The following SH3GLB1 variants were observed in gnomAD, a reference collection of about 807,000 sequenced individuals.
SH3GLB1 encodes the protein SH3 domain containing GRB2 like, endophilin B1.
In SH3GLB1, 17 loss-of-function variants were observed where a neutral mutation model predicts 42.0. That is an observed-to-expected ratio of 0.40 (90% CI 0.28 to 0.61). SH3GLB1 has a LOEUF of 0.61. SH3GLB1 is among the 20% of genes least tolerant of loss of function. The pLI is 0.36. For synonymous variants in SH3GLB1, 132 were observed against 146.6 expected (o/e 0.90, Z 0.72); for missense variants, 355 against 426.3 (o/e 0.83, Z 1.47).
intron 2 of SH3GLB1, among the ~76,000 whole-genome samples, chr1:86,718,363 T>A (rs1654675237): frequency 1.3e-5 from 2 of 152,150 alleles, no homozygotes; most frequent in South Asian, 4.1e-4. Context: ...AGTTCTGAAA[T>A]TTAACTAGTA....
intron 1 of SH3GLB1, among the ~76,000 whole-genome samples, chr1:86,706,351 A>T (rs947838712): frequency 6.6e-6 from 1 of 152,222 alleles, no homozygotes; most frequent in African/African-American, 2.4e-5. Flanking sequence ...CATATCAACA[A>T]GCAAGTAACA....
Position 86,734,630 on chromosome 1 carries a change from G to A in SH3GLB1, c.599G>A (p.Ser200Asn), listed in dbSNP as rs1290921745. Reference sequence around the variant, plus strand: ...GAACAGGAATTAAGAATAACTCAAAGTGAATTTGATCGTCAAGCAGAGATT... The same window carrying A: ...GAACAGGAATTAAGAATAACTCAAAATGAATTTGATCGTCAAGCAGAGATT... ...SSEQELRITQ[S>N]EFDRQAEITR... The change falls in exon 6 of 9, where the codon AGT (serine) becomes AAT (asparagine). Residue 200 changes from serine (S) to asparagine (N), a missense_variant. Coordinates refer to ENST00000370558, the MANE Select transcript of SH3GLB1 (RefSeq NM_016009.5). 1 of 1,612,988 alleles carries A rather than the reference G, an allele frequency of 6.2e-7. No homozygotes were observed. Among genetic ancestry groups the A allele is most frequent in the Non-Finnish European group, 8.5e-7 (1 of 1,179,326 alleles).
intron 5 of SH3GLB1, among the ~76,000 whole-genome samples, chr1:86,731,433 T>G (rs1655503371): frequency 1.3e-5 from 2 of 152,188 alleles, no homozygotes; most frequent in African/African-American, 2.4e-5. Context: ...ATTCTTACCT[T>G]ATGCTCTTAT....
chr1:86,725,065 A>G (rs957737578), intron 5 of SH3GLB1, among the ~76,000 whole-genome samples: 4 of 150,264 alleles, frequency 2.7e-5, no homozygotes, highest in East Asian at 3.9e-4. Flanking sequence ...GGTAGCTCCT[A>G]ATGTGTCATT....
chr1:86,729,834 G>A (rs759320691), intron 5 of SH3GLB1, among the ~76,000 whole-genome samples: 1 of 151,870 alleles, frequency 6.6e-6, no homozygotes, highest in Non-Finnish European at 1.5e-5. Context: ...GAAAGGTTAG[G>A]TGTTCTCAAT....
At chr1:86,710,267 T>TC (rs1491492062) in intron 1 of SH3GLB1, among the ~76,000 whole-genome samples, 4 of 68,660 alleles carry the variant, frequency 5.8e-5, no homozygotes, top group African/African-American at 3.6e-4. Context: ...CTTGAAAGAA[T>TC]TTTTTTTTTT....
chr1:86,722,779 A>G (rs1654939845), intron 4 of SH3GLB1, 106 bp downstream of exon 4: 1 of 902,346 alleles, frequency 1.1e-6, no homozygotes, highest in Non-Finnish European at 1.6e-6. Context: ...GTGGATTACA[A>G]AATTAAATAA....
intron 1 of SH3GLB1, among the ~76,000 whole-genome samples, chr1:86,711,735 G>C (rs1654222411): frequency 6.6e-6 from 1 of 151,970 alleles, no homozygotes; most frequent in Non-Finnish European, 1.5e-5. Context: ...CTAGGAAAGG[G>C]ATCTTTTTTT....
At position 86,735,123 on chromosome 1, in the gene SH3GLB1, G is replaced by A; in HGVS notation, c.705G>A (p.Met235Ile). The A allele has an allele frequency of 6.2e-7, 1 of 1,612,996 alleles. No homozygotes were observed. Among genetic ancestry groups the A allele is most frequent in the South Asian group, 1.1e-5 (1 of 91,012 alleles). ...RCLNDFVEAQ[M>I]TYYAQCYQYM... Reference sequence around the variant, plus strand: ...TGAATGACTTTGTAGAAGCCCAGATGACTTACTATGCACAGTGTTACCAGT... The same window carrying A: ...TGAATGACTTTGTAGAAGCCCAGATAACTTACTATGCACAGTGTTACCAGT... Residue 235 changes from methionine to isoleucine, a missense_variant, in exon 7 of 9, where the codon ATG becomes ATA. By Grantham distance (10) the Met-to-Ile change is conservative (BLOSUM62 1). Coordinates refer to ENST00000370558, the MANE Select transcript of SH3GLB1 (RefSeq NM_016009.5).
At chr1:86,723,655 T>C (rs1436650656) in intron 4 of SH3GLB1, among the ~76,000 whole-genome samples, 1 of 152,184 alleles carries the variant, frequency 6.6e-6, no homozygotes, top group Non-Finnish European at 1.5e-5. Context: ...CCTGAAGAAT[T>C]CTAAGATACT....
chr1:86,730,338 T>C, intron 5 of SH3GLB1: 2 of 985,396 alleles, frequency 2.0e-6, no homozygotes, highest in Non-Finnish European at 2.4e-6. Context: ...TGATAAATCT[T>C]GGATACCTGT....
At chr1:86,726,519 AG>A (rs1646532938) in intron 5 of SH3GLB1, among the ~76,000 whole-genome samples, 1 of 107,814 alleles carries the variant, frequency 9.3e-6, no homozygotes, top group Admixed American at 9.4e-5. Context: ...TTATGTTTAA[AG>A]TAAAAGATGA....
Position 86,704,762 on chromosome 1 carries a change from T to C in SH3GLB1, c.-138T>C. On this transcript the variant is annotated 5_prime_UTR_variant, in exon 1 of 9. Coordinates refer to ENST00000370558, the MANE Select transcript of SH3GLB1 (RefSeq NM_016009.5). ...CCTCCCCGTTCACGGAAACGACAGC[T>C]GCGGCTGCGGGGCTGGCGCCGCCTC... is the stretch of plus-strand genomic sequence containing the variant. 1 of 507,488 alleles carries C rather than the reference T, an allele frequency of 2.0e-6. No homozygotes were observed. The highest frequency in any genetic ancestry group is 4.4e-5 in the Admixed American group (1 of 22,600). 31.4% of individuals were successfully genotyped at this position (507,488 alleles called of 1,614,324 possible). A position where few individuals can be genotyped will look rare whatever the true frequency, so the allele number is the denominator to read the frequency against.
At chr1:86,731,426 C>G (rs1208383947) in intron 5 of SH3GLB1, among the ~76,000 whole-genome samples, 1 of 152,118 alleles carries the variant, frequency 6.6e-6, no homozygotes, top group African/African-American at 2.4e-5. Flanking sequence ...GTATGAAATT[C>G]TTACCTTATG....
chr1:86,704,753 A>C lies in SH3GLB1; in HGVS notation c.-147A>C. ...CGCCTTCATCCTCCCCGTTCACGGAAACGACAGCTGCGGCTGCGGGGCTGG... is the reference window on the plus strand; with the variant it reads ...CGCCTTCATCCTCCCCGTTCACGGACACGACAGCTGCGGCTGCGGGGCTGG... On this transcript the variant is annotated 5_prime_UTR_variant, in exon 1 of 9. Coordinates refer to ENST00000370558, the MANE Select transcript of SH3GLB1 (RefSeq NM_016009.5). 2.0e-6 allele frequency: 1 copy of C among 491,788 alleles called. No homozygotes were observed. The allele number at this position is 491,788 out of a possible 1,614,324, so 30.5% of individuals were successfully genotyped here.
intron 5 of SH3GLB1, among the ~76,000 whole-genome samples, chr1:86,724,731 G>A (rs1254607649): frequency 1.3e-5 from 2 of 151,338 alleles, no homozygotes; most frequent in Non-Finnish European, 2.9e-5. Context: ...AAAAATGAAC[G>A]GGCATGGTGG....
intron 4 of SH3GLB1, among the ~76,000 whole-genome samples, chr1:86,723,424 G>A (rs2101946949): frequency 6.6e-6 from 1 of 152,268 alleles, no homozygotes; most frequent in East Asian, 1.9e-4. Context: ...TGAGGTAGGA[G>A]AATTGCTTGA....
chr1:86,741,237 C>G (rs937641023), intron 7 of SH3GLB1, among the ~76,000 whole-genome samples: 3 of 152,112 alleles, frequency 2.0e-5, no homozygotes, highest in African/African-American at 7.2e-5. Flanking sequence ...TTGCTGATGA[C>G]TGAAATGATT....
In SH3GLB1 at chr1:86,733,159, A is replaced by G. The variant is rs183897829; in HGVS notation, c.571-1443A>G. Among the ~76,000 whole-genome samples the G allele has an allele frequency of 2.0e-5, 3 of 152,284 alleles. No homozygotes were observed. In the East Asian group the frequency reaches 5.8e-4, roughly 29 times the overall value. On this transcript the variant is annotated intron_variant, in intron 5 of 8. Coordinates refer to ENST00000370558, the MANE Select transcript of SH3GLB1 (RefSeq NM_016009.5). ...AGATGAAGCTTACTTTGTCCCTGCT[A>G]TCAAAACACCATGGGTTCTGGTTTT... is the stretch of plus-strand genomic sequence containing the variant.
Sources: allele counts gnomAD v4.1 joint callset (sites outside exome capture counted in the v4.1 genomes callset), GRCh38; gene constraint gnomAD v4.1.1; transcripts MANE v1.5; gene names NCBI Gene and HGNC (gene_info 2026-07-23, HGNC 2026-07-21).